FILIP1: variants seen among roughly 807,000 people sequenced by gnomAD.
The protein encoded by FILIP1 is filamin-A-interacting protein 1.
In FILIP1, 61 loss-of-function variants were observed where a neutral mutation model predicts 102.1. The observed-to-expected ratio is 0.60, with a 90% CI of 0.49 to 0.74. The LOEUF is 0.74. Ranked by LOEUF, FILIP1 falls within the 30% of genes least tolerant of loss-of-function variation. FILIP1 has a pLI of 0.00. For synonymous variants in FILIP1, 491 were observed against 526.9 expected (o/e 0.93, Z 0.93); for missense variants, 1,314 against 1,441.2 (o/e 0.91, Z 1.43).
At chr6:75,316,056 A>G (rs189966769) in intron 4 of FILIP1, among the ~76,000 whole-genome samples, 1 of 152,224 alleles carries the variant, frequency 6.6e-6, no homozygotes, top group Admixed American at 6.5e-5. Flanking sequence ...GAAAATCTGT[A>G]TATCAATACA....
At chr6:75,385,159 G>A (rs1366472556) in intron 2 of FILIP1, among the ~76,000 whole-genome samples, 1 of 151,844 alleles carries the variant, frequency 6.6e-6, no homozygotes, top group East Asian at 1.9e-4. Flanking sequence ...TTTGCCTAAG[G>A]AATACAACTA....
At chr6:75,405,175 T>G (rs187250386) in intron 2 of FILIP1, among the ~76,000 whole-genome samples, 1 of 152,346 alleles carries the variant, frequency 6.6e-6, no homozygotes, top group East Asian at 1.9e-4. Context: ...CTATCATATT[T>G]CCCCATAGGA....
At position 75,407,318 on chromosome 6, in the gene FILIP1, C is replaced by A. The variant is rs143328617; in HGVS notation, c.276+7379G>T. Among the ~76,000 whole-genome samples, 1,088 of 152,158 alleles carry A rather than the reference C, an allele frequency of 7.2e-3. 16 individuals carry two copies. Among genetic ancestry groups the A allele is most frequent in the African/African-American group, 0.025 (1,032 of 41,518 alleles). On this transcript the variant is annotated intron_variant, in intron 2 of 5. Coordinates refer to ENST00000237172, the MANE Select transcript of FILIP1 (RefSeq NM_015687.5). ...TCGGCTTACTGCAAGCTCTGCCTCC[C>A]GGGTTCATGCCATTATCCTGCCTCA...
rs1430645842 is a variant in FILIP1 at position 75,372,615 on chromosome 6, GAAAGAA to G, written c.277-9704_277-9699del. 2.2e-3 allele frequency among the ~76,000 whole-genome samples: 201 copies of G among 91,932 alleles called. 2 individuals are homozygous for G. The highest frequency in any genetic ancestry group is 3.6e-3 in the African/African-American group (89 of 24,672). The allele number at this position is 91,932 out of a possible 152,430, so 60.3% of individuals were successfully genotyped here. On this transcript the variant is annotated intron_variant, in intron 2 of 5. Coordinates refer to ENST00000237172, the MANE Select transcript of FILIP1 (RefSeq NM_015687.5). ...GATGGCTATCAAGAAAAGAAAGAAA[GAAAGAA>G]AAAGAAAGAAAGAAAGAAAGAAAGA...
chr6:75,310,900 C>T (rs1773160218), intron 5 of FILIP1, among the ~76,000 whole-genome samples: 1 of 152,066 alleles, frequency 6.6e-6, no homozygotes, highest in Non-Finnish European at 1.5e-5. Flanking sequence ...GAGCCTGCCT[C>T]GAGTCTATGT....
At chr6:75,405,499 C>T (rs897856616) in intron 2 of FILIP1, among the ~76,000 whole-genome samples, 2 of 152,164 alleles carry the variant, frequency 1.3e-5, no homozygotes, top group African/African-American at 4.8e-5. Flanking sequence ...CTTAACTTCC[C>T]TTCACTTTGT....
chr6:75,485,902 T>C (rs919973561), intron 1 of FILIP1, among the ~76,000 whole-genome samples: 1 of 151,364 alleles, frequency 6.6e-6, no homozygotes, highest in African/African-American at 2.4e-5. Context: ...ACAAAGTCAT[T>C]TGGAACCAAT....
In FILIP1 at chr6:75,314,969, T is replaced by A; in HGVS notation, c.863A>T (p.Lys288Ile). 6.2e-7 allele frequency: 1 copy of A among 1,614,162 alleles called. No homozygotes were observed. The highest frequency in any genetic ancestry group is 8.5e-7 in the Non-Finnish European group (1 of 1,180,006). The change falls in exon 5 of 6, where the codon AAA (lysine) becomes ATA (isoleucine). Residue 288 changes from lysine to isoleucine, a missense_variant. Transcript: ENST00000237172. ...CAATTTCTGTCTGTCTTCTTTGGAT[T>A]TGGAAGTAATGGCTTTGAGCTTCTC... ...EEEKLKAITS[K>I]SKEDRQKLLK...
At chr6:75,409,079 T>A (rs1776970891) in intron 2 of FILIP1, among the ~76,000 whole-genome samples, 1 of 152,192 alleles carries the variant, frequency 6.6e-6, no homozygotes, top group South Asian at 2.1e-4. Flanking sequence ...CAAAATAGCT[T>A]CAGCCTGTGA....
intron 1 of FILIP1, among the ~76,000 whole-genome samples, chr6:75,442,083 G>A (rs1474950182): frequency 6.6e-6 from 1 of 151,506 alleles, no homozygotes; most frequent in Non-Finnish European, 1.5e-5. Context: ...CAGACGGGGC[G>A]GCCGGGCAGA....
intron 2 of FILIP1, among the ~76,000 whole-genome samples, chr6:75,370,875 C>A (rs2149624355): frequency 6.6e-6 from 1 of 152,180 alleles, no homozygotes. Context: ...CTGTGCCCAG[C>A]CCACTTTCTT....
chr6:75,402,198 TAGG>T (rs1776681700), intron 2 of FILIP1, among the ~76,000 whole-genome samples: 1 of 152,196 alleles, frequency 6.6e-6, no homozygotes, highest in South Asian at 2.1e-4. Flanking sequence ...CTGATTCTAT[TAGG>T]AGTCCTAAAA....
chr6:75,317,606 T>C (rs1020157399), intron 4 of FILIP1, among the ~76,000 whole-genome samples: 9 of 152,162 alleles, frequency 5.9e-5, no homozygotes, highest in African/African-American at 1.9e-4. Flanking sequence ...TTCCAATCAG[T>C]GGGAAATTCC....
chr6:75,353,519 GTGGTGTGTGTGCAC>G lies in FILIP1; in HGVS notation c.629+6_629+19del. The G allele has an allele frequency of 1.2e-6, 2 of 1,613,558 alleles. No individual in the cohort carries two copies. Among genetic ancestry groups the G allele is most frequent in the South Asian group, 2.2e-5 (2 of 91,022 alleles). ...GGCTATGGGCATCCAGATGTGACTG[GTGGTGTGTGTGCAC>G]ATTACCTCTCCCGCTCCTGCTCCAG... On this transcript the variant is annotated splice_donor_region_variant and intron_variant, in intron 4 of 5. Transcript: ENST00000237172.
Position 75,312,733 on chromosome 6 carries a change from TC to T in FILIP1, c.3098del (p.Gly1033AspfsTer28). 1 of 1,614,172 alleles carries T rather than the reference TC, an allele frequency of 6.2e-7. No individual in the cohort carries two copies. Among genetic ancestry groups the T allele is most frequent in the Non-Finnish European group, 8.5e-7 (1 of 1,180,036 alleles). On this transcript the variant is annotated frameshift_variant, in exon 5 of 6. Coordinates refer to ENST00000237172, the MANE Select transcript of FILIP1 (RefSeq NM_015687.5). LOFTEE classifies it high-confidence loss of function. ...CTGGGGTGACTTTGAGGATTGTCCG[TC>T]CCATGGGCATTTCCTGGGATTCGGG... ...VSPESQEMPM[G>X]RTILKVTPEK... is the part of the protein sequence containing the mutation.
intron 1 of FILIP1, among the ~76,000 whole-genome samples, chr6:75,448,448 ACTT>A (rs1425318628): frequency 6.6e-6 from 1 of 152,194 alleles, no homozygotes; most frequent in Non-Finnish European, 1.5e-5. Context: ...CCTTACAAAG[ACTT>A]CATGTCCAGG....
chr6:75,374,014 A>G (rs1429362703), intron 2 of FILIP1, among the ~76,000 whole-genome samples: 1 of 152,190 alleles, frequency 6.6e-6, no homozygotes, highest in African/African-American at 2.4e-5. Context: ...ACAAAAAACT[A>G]AAATTCCATG....
intron 6 of FILIP1, among the ~76,000 whole-genome samples, chr6:75,303,074 G>C (rs1582307547): frequency 6.6e-6 from 1 of 152,114 alleles, no homozygotes; most frequent in Admixed American, 6.6e-5. Context: ...GAGAGAATAA[G>C]CAGGACTTGC....
At chr6:75,311,663 A>G (rs2149544957) in intron 5 of FILIP1, among the ~76,000 whole-genome samples, 1 of 152,034 alleles carries the variant, frequency 6.6e-6, no homozygotes, top group Non-Finnish European at 1.5e-5. Context: ...TGCTCAGCTA[A>G]TTTTTGTATT....
Sources: allele counts gnomAD v4.1 joint callset (sites outside exome capture counted in the v4.1 genomes callset), GRCh38; gene constraint gnomAD v4.1.1; transcripts MANE v1.5; gene names NCBI Gene and HGNC (gene_info 2026-07-23, HGNC 2026-07-21).